The following ATP2B4 variants were observed in gnomAD, a reference collection of about 807,000 sequenced individuals.
ATP2B4 encodes plasma membrane calcium-transporting ATPase 4.
Under a neutral mutation model 110.3 loss-of-function variants are expected in ATP2B4, and 39 were observed. That is an observed-to-expected ratio of 0.35 (90% CI 0.27 to 0.46). The LOEUF is 0.46. Among genes scored for constraint, ATP2B4 ranks in the 20% least tolerant of loss-of-function variants. The pLI, the probability that ATP2B4 is intolerant of heterozygous loss-of-function variation, is 1.00. For synonymous variants in ATP2B4, 538 were observed against 571.7 expected (o/e 0.94, Z 0.84); for missense variants, 1,135 against 1,530.9 (o/e 0.74, Z 4.32).
At chr1:203,672,588 T>A (rs1571706332) in intron 1 of ATP2B4, among the ~76,000 whole-genome samples, 1 of 151,340 alleles carries the variant, frequency 6.6e-6, no homozygotes, top group Non-Finnish European at 1.5e-5. Context: ...CCCTGAGAGG[T>A]GTTATGGAGG....
chr1:203,700,068 A>C (rs1665645959), intron 4 of ATP2B4, 138 bp from the exon 5 acceptor site: 1 of 1,057,816 alleles, frequency 9.5e-7, no homozygotes, highest in Admixed American at 2.3e-5. Flanking sequence ...AAGAGTCTCC[A>C]TGTACTCTCG....
chr1:203,700,883 G>A lies in ATP2B4; in HGVS notation c.861G>A (p.Leu287=). The change falls in exon 6 of 21, where the codon TTG becomes TTA. Residue 287 remains leucine, a synonymous_variant. Coordinates refer to ENST00000357681, the MANE Select transcript of ATP2B4 (RefSeq NM_001684.5). Reference sequence around the variant, plus strand: ...AGACTGGAATCATCCTTACTCTCTTGGGGGTCAATGAGGATGACGAAGGGG... The same window carrying A: ...AGACTGGAATCATCCTTACTCTCTTAGGGGTCAATGAGGATGACGAAGGGG... The part of the protein sequence containing the change: ...NSQTGIILTL[L]GVNEDDEGEK... 1 of 1,613,672 alleles carries A rather than the reference G, an allele frequency of 6.2e-7. No homozygotes were observed. The highest frequency in any genetic ancestry group is 8.5e-7 in the Non-Finnish European group (1 of 1,179,756).
chr1:203,684,517 C>T (rs564870082), intron 2 of ATP2B4, among the ~76,000 whole-genome samples: 3 of 151,980 alleles, frequency 2.0e-5, no homozygotes, highest in Non-Finnish European at 4.4e-5. Context: ...ACCACCACGC[C>T]CAGCTAATTT....
chr1:203,696,348 G>A (rs551439274), intron 2 of ATP2B4, among the ~76,000 whole-genome samples: 1 of 152,232 alleles, frequency 6.6e-6, no homozygotes, highest in East Asian at 1.9e-4. Context: ...TGTAAAGAAG[G>A]CCTCTGGCAT....
chr1:203,641,315 G>A (rs1023955250), intron 1 of ATP2B4, among the ~76,000 whole-genome samples: 5 of 152,190 alleles, frequency 3.3e-5, no homozygotes, highest in Non-Finnish European at 7.3e-5. Context: ...TAGATCTGAT[G>A]TCCTCTGCAC....
intron 8 of ATP2B4, among the ~76,000 whole-genome samples, chr1:203,704,467 C>CTTT (rs35019828): frequency 0.016 from 1,121 of 68,784 alleles, 256 homozygotes; most frequent in African/African-American, 0.037. Context: ...AAGGAACAGT[C>CTTT]TTTTTTTTTT....
At chr1:203,657,180 G>A (rs1664187344) in intron 1 of ATP2B4, 2 of 803,608 alleles carry the variant, frequency 2.5e-6, no homozygotes, top group Non-Finnish European at 4.4e-6. Flanking sequence ...GGCAAAAGGT[G>A]GCTTTCAGTT....
At chr1:203,734,511 T>A (rs35386537) in intron 20 of ATP2B4, among the ~76,000 whole-genome samples, 83,115 of 151,542 alleles carry the variant, frequency 0.55, 23,096 homozygotes, top group Admixed American at 0.67. Flanking sequence ...GTTCAAGACC[T>A]GCCTGGCCAA....
intron 1 of ATP2B4, among the ~76,000 whole-genome samples, chr1:203,640,321 T>C (rs1331177977): frequency 6.6e-6 from 1 of 152,146 alleles, no homozygotes; most frequent in Non-Finnish European, 1.5e-5. Flanking sequence ...AAAACACTTG[T>C]TGCATCCTTT....
chr1:203,686,051 T>C (rs1665170398), intron 2 of ATP2B4, among the ~76,000 whole-genome samples: 1 of 152,164 alleles, frequency 6.6e-6, no homozygotes, highest in East Asian at 1.9e-4. Flanking sequence ...CTAATTGCTT[T>C]CATGTGGCTC....
rs776635827 is a variant in ATP2B4 at position 203,713,204 on chromosome 1, C to T, written c.2251C>T (p.Arg751Trp). The change falls in exon 14 of 21, where the codon CGG becomes TGG. Residue 751 changes from arginine (R) to tryptophan (W), a missense_variant. This residue lies in a region of ATP2B4 where 368 missense variants were observed against 455.9 expected (regional missense o/e 0.81). Coordinates refer to ENST00000357681, the MANE Select transcript of ATP2B4 (RefSeq NM_001684.5). ...GCTGGACAAGATCTGGCCTAAGCTT[C>T]GGGTCCTGGCGCGATCTTCTCCCAC... ...EKLDKIWPKLRVLARSSPTDK... is the reference protein window; with the variant it reads ...EKLDKIWPKLWVLARSSPTDK... 38 of 1,614,052 alleles carry T rather than the reference C, an allele frequency of 2.4e-5. No homozygotes were observed. The highest frequency in any genetic ancestry group is 3.3e-4 in the Middle Eastern group (2 of 6,084).
chr1:203,672,721 T>C (rs1664711478), intron 1 of ATP2B4, among the ~76,000 whole-genome samples: 1 of 152,072 alleles, frequency 6.6e-6, no homozygotes, highest in South Asian at 2.1e-4. Flanking sequence ...TGTCTTTTGT[T>C]TTTGTTTTCC....
At chr1:203,632,553 C>A (rs1254232128) in intron 1 of ATP2B4, among the ~76,000 whole-genome samples, 2 of 151,802 alleles carry the variant, frequency 1.3e-5, no homozygotes, top group Non-Finnish European at 2.9e-5. Flanking sequence ...CCATGTTAGC[C>A]AGGATGGTTT....
chr1:203,693,153 G>A (rs1330310210), intron 2 of ATP2B4, among the ~76,000 whole-genome samples: 3 of 152,152 alleles, frequency 2.0e-5, no homozygotes, highest in Admixed American at 1.3e-4. Flanking sequence ...CAGAGATCAG[G>A]GCCTTTTAGA....
chr1:203,667,066 C>T (rs4498861), intron 1 of ATP2B4, among the ~76,000 whole-genome samples: 120,012 of 152,134 alleles, frequency 0.79, 49,384 homozygotes, highest in Middle Eastern at 0.9. Context: ...ATCCTCCCAC[C>T]TCAGCCTCCA....
rs1666792334 is a variant in ATP2B4 at position 203,733,440 on chromosome 1, GACC to G, written c.3309+5872_3309+5874del. The G allele has an allele frequency of 5.2e-6, 8 of 1,533,542 alleles. No individual in the cohort carries two copies. In the Admixed American group the frequency reaches 1.3e-4, roughly 25 times the overall value. 95.0% of individuals were successfully genotyped at this position (1,533,542 alleles called of 1,614,324 possible). A position where few individuals can be genotyped will look rare whatever the true frequency, so the allele number is the denominator to read the frequency against. ...ATTATGATGCATGATTTGCTAAAAT[GACC>G]ACAAGAGAGCACGTGGCATCCACTT... On this transcript the variant is annotated intron_variant, in intron 20 of 20. Coordinates refer to ENST00000357681, the MANE Select transcript of ATP2B4 (RefSeq NM_001684.5).
chr1:203,637,421 G>A lies in ATP2B4; in HGVS notation c.-465+10202G>A, dbSNP rs71643029. Among the ~76,000 whole-genome samples, 452 of 123,852 alleles carry A rather than the reference G, an allele frequency of 3.6e-3. 4 individuals carry two copies. Among genetic ancestry groups the A allele is most frequent in the Non-Finnish European group, 5.7e-3 (351 of 61,810 alleles). The allele number at this position is 123,852 out of a possible 152,430, so 81.3% of individuals were successfully genotyped here. On this transcript the variant is annotated intron_variant, in intron 1 of 20. Coordinates refer to ENST00000357681, the MANE Select transcript of ATP2B4 (RefSeq NM_001684.5). ...ACTGCACTCCAGCCTGGGTGACAGA[G>A]CAAGACTCTGTCTCAAAAAAAAAAA...
At chr1:203,672,826 C>A (rs1664715460) in intron 1 of ATP2B4, among the ~76,000 whole-genome samples, 1 of 152,062 alleles carries the variant, frequency 6.6e-6, no homozygotes, top group Non-Finnish European at 1.5e-5. Context: ...CTGAAAGGGG[C>A]CTGGGTGTCC....
At chr1:203,721,539 C>T (rs891068622) in intron 17 of ATP2B4, 129 bp downstream of exon 17, 3 of 885,370 alleles carry the variant, frequency 3.4e-6, no homozygotes, top group Non-Finnish European at 5.3e-6. Flanking sequence ...GCTTGCTGTG[C>T]TCCCGCTACA....
Sources: allele counts gnomAD v4.1 joint callset (sites outside exome capture counted in the v4.1 genomes callset), GRCh38; gene constraint gnomAD v4.1.1; regional missense constraint gnomAD v4.1.1; transcripts MANE v1.5; gene names NCBI Gene and HGNC (gene_info 2026-07-23, HGNC 2026-07-21).